The following LINC00305 variants were observed in gnomAD, a reference collection of about 807,000 sequenced individuals.
LINC00305 encodes the protein long independently transcribed non-coding RNA 305.
At chr18:64,103,445 A>G (rs1329044856) in intron 1 of LINC00305, among the ~76,000 whole-genome samples, 3 of 152,134 alleles carry the variant, frequency 2.0e-5, no homozygotes, top group African/African-American at 7.2e-5. Context: ...CTTTTGCGGC[A>G]CTTCTCGTCC....
rs73962132 is a variant in LINC00305, at chr18:64,083,186, A to G, written n.541-2784T>C. On this transcript the variant is annotated intron_variant and non_coding_transcript_variant, in intron 3 of 3. Transcript: ENST00000666468. Reference sequence around the variant, plus strand: ...TTTAAAAATGACCTTTAGAATGTTTAGCCAAAGAAGTGGTAAAAATGCAGA... The same window carrying G: ...TTTAAAAATGACCTTTAGAATGTTTGGCCAAAGAAGTGGTAAAAATGCAGA... Among the ~76,000 whole-genome samples, 546 of 152,242 alleles carry G rather than the reference A, an allele frequency of 3.6e-3. 2 individuals carry two copies. The highest frequency in any genetic ancestry group is 0.013 in the African/African-American group (535 of 41,530).
chr18:64,092,503 A>G (rs1248055183), intron 3 of LINC00305, among the ~76,000 whole-genome samples: 2 of 151,656 alleles, frequency 1.3e-5, no homozygotes, highest in Non-Finnish European at 2.9e-5. Context: ...CAGAGGTTGC[A>G]CTGAGCCGAG....
chr18:64,106,106 C>T (rs893204971), intron 1 of LINC00305, among the ~76,000 whole-genome samples: 4 of 152,322 alleles, frequency 2.6e-5, no homozygotes, highest in African/African-American at 9.6e-5. Flanking sequence ...AACTGAAGCC[C>T]TGATTGGCAC....
At chr18:64,139,184 C>A (rs2051449523) in intron 1 of LINC00305, among the ~76,000 whole-genome samples, 1 of 152,222 alleles carries the variant, frequency 6.6e-6, no homozygotes, top group Non-Finnish European at 1.5e-5. Flanking sequence ...TCTTAATCTC[C>A]TGAAAATCAA....
intron 1 of LINC00305, among the ~76,000 whole-genome samples, chr18:64,113,787 C>T (rs1038458015): frequency 1.1e-4 from 16 of 152,142 alleles, no homozygotes; most frequent in Non-Finnish European, 1.6e-4. Context: ...GCTGGGTGAC[C>T]ACCCAGTCAT....
chr18:64,083,361 T>C (rs1362157255), intron 3 of LINC00305, among the ~76,000 whole-genome samples: 1 of 152,226 alleles, frequency 6.6e-6, no homozygotes, highest in African/African-American at 2.4e-5. Context: ...CCACTGACTA[T>C]AATTCTATTA....
intron 1 of LINC00305, chr18:64,127,372 C>T (rs1384148071): frequency 1.3e-5 from 2 of 151,946 alleles, no homozygotes; most frequent in East Asian, 3.9e-4. Flanking sequence ...ATTTCATTAC[C>T]CTTATCTTGC....
chr18:64,114,843 C>G (rs1239591316), intron 1 of LINC00305, among the ~76,000 whole-genome samples: 1 of 152,250 alleles, frequency 6.6e-6, no homozygotes, highest in African/African-American at 2.4e-5. Context: ...GCCATTGCTC[C>G]TGGCCTATTT....
chr18:64,107,375 G>A (rs922577238), intron 1 of LINC00305, among the ~76,000 whole-genome samples: 2 of 152,188 alleles, frequency 1.3e-5, no homozygotes, highest in Admixed American at 6.5e-5. Context: ...TATGATATGT[G>A]TTTCCCATAA....
intron 1 of LINC00305, among the ~76,000 whole-genome samples, chr18:64,148,532 C>T (rs1407720138): frequency 2.0e-5 from 3 of 152,018 alleles, no homozygotes; most frequent in African/African-American, 7.2e-5. Flanking sequence ...AACAAGGTTC[C>T]CTTTCTCTAG....
intron 3 of LINC00305, among the ~76,000 whole-genome samples, chr18:64,084,714 G>A (rs1280538872): frequency 2.6e-5 from 4 of 152,230 alleles, no homozygotes; most frequent in African/African-American, 9.6e-5. Flanking sequence ...AACTGGGCTT[G>A]CCTGGAGGGC....
At chr18:64,115,409 C>A (rs1194406859) in intron 1 of LINC00305, among the ~76,000 whole-genome samples, 1 of 151,966 alleles carries the variant, frequency 6.6e-6, no homozygotes, top group Non-Finnish European at 1.5e-5. Context: ...GTTTTCCAGC[C>A]TGAGGACTTT....
chr18:64,126,988 A>G (rs1031328255), intron 1 of LINC00305, among the ~76,000 whole-genome samples: 2 of 152,114 alleles, frequency 1.3e-5, no homozygotes, highest in Admixed American at 6.6e-5. Context: ...TCGGAGGTAC[A>G]TGTGCATGTT....
chr18:64,142,092 C>T (rs1447042269), intron 1 of LINC00305, among the ~76,000 whole-genome samples: 1 of 152,114 alleles, frequency 6.6e-6, no homozygotes, highest in Admixed American at 6.6e-5. Flanking sequence ...AGCTCAGACG[C>T]TGCTGTCTAT....
intron 1 of LINC00305, among the ~76,000 whole-genome samples, chr18:64,107,726 CAGA>C (rs781746285): frequency 3.9e-5 from 6 of 152,094 alleles, no homozygotes; most frequent in Non-Finnish European, 7.3e-5. Flanking sequence ...TTAATTTGGC[CAGA>C]AGAAGAGGCA....
chr18:64,144,847 A>G (rs1004373875), intron 1 of LINC00305, among the ~76,000 whole-genome samples: 3 of 152,200 alleles, frequency 2.0e-5, no homozygotes, highest in South Asian at 2.1e-4. Flanking sequence ...ATGGACGTGT[A>G]GTCAGGGGGT....
At chr18:64,144,436 T>C (rs1292154644) in intron 1 of LINC00305, among the ~76,000 whole-genome samples, 1 of 152,218 alleles carries the variant, frequency 6.6e-6, no homozygotes, top group East Asian at 1.9e-4. Flanking sequence ...GAGAATGCAG[T>C]GTTACTGAAA....
intron 1 of LINC00305, among the ~76,000 whole-genome samples, chr18:64,108,395 G>A (rs1053205474): frequency 5.3e-5 from 8 of 152,122 alleles, no homozygotes; most frequent in Non-Finnish European, 1.0e-4. Context: ...TGGTCCATTC[G>A]CCCTCCTCAG....
intron 1 of LINC00305, among the ~76,000 whole-genome samples, chr18:64,124,600 A>G (rs1187239783): frequency 6.6e-6 from 1 of 152,056 alleles, no homozygotes; most frequent in Non-Finnish European, 1.5e-5. Flanking sequence ...TTGCATTTAT[A>G]AAATGCTAAG....
Sources: gnomAD v4.1 joint callset for allele counts (sites outside exome capture counted in the v4.1 genomes callset) on GRCh38, gnomAD v4.1.1 for gene constraint, MANE v1.5 for transcripts, NCBI Gene and HGNC (gene_info 2026-07-23, HGNC 2026-07-21) for gene names.